The following AGAP1 variants were observed in gnomAD, a reference collection of about 807,000 sequenced individuals.
The protein encoded by AGAP1 is ArfGAP with GTPase domain, ankyrin repeat and PH domain 1.
A neutral mutation model predicts 105.3 loss-of-function variants in AGAP1; 29 were observed. That is an observed-to-expected ratio of 0.28 (90% CI 0.21 to 0.38). The LOEUF (loss-of-function observed/expected upper bound fraction) is 0.38, where lower values mean the gene tolerates loss of function less well. Among genes scored for constraint, AGAP1 ranks in the 10% least tolerant of loss-of-function variants. The pLI, the probability that AGAP1 is intolerant of heterozygous loss-of-function variation, is 1.00. For synonymous variants in AGAP1, 509 were observed against 485.9 expected (o/e 1.05, Z -0.63); for missense variants, 998 against 1,165.1 (o/e 0.86, Z 2.09).
At position 235,994,450 on chromosome 2, in the gene AGAP1, G is replaced by A. The variant is rs1005682394; in HGVS notation, c.1645+25827G>A. Among the ~76,000 whole-genome samples the A allele has an allele frequency of 5.9e-5, 9 of 152,076 alleles. No homozygotes were observed. The highest frequency in any genetic ancestry group is 4.2e-4 in the South Asian group (2 of 4,806). ...TAGTGCTTGTACTTGTGTGCCTCTT[G>A]GAGTTACTTGTTGATAGGACAGCGT... is the stretch of plus-strand genomic sequence containing the variant. On this transcript the variant is annotated intron_variant, in intron 13 of 17. Coordinates refer to ENST00000304032, the MANE Select transcript of AGAP1 (RefSeq NM_001037131.3). This position sits in a 1 kb window ranked among gnomAD's most constrained non-coding sequence, Gnocchi z 4.4.
intron 10 of AGAP1, among the ~76,000 whole-genome samples, chr2:235,890,762 TC>T (rs369795110): frequency 2.6e-4 from 39 of 152,256 alleles, no homozygotes; most frequent in African/African-American, 8.9e-4. Context: ...ACGAATTCTT[TC>T]ACTGGGTAGG....
intron 6 of AGAP1, among the ~76,000 whole-genome samples, chr2:235,765,645 G>A (rs975426306): frequency 2.0e-5 from 3 of 152,162 alleles, no homozygotes; most frequent in Admixed American, 1.3e-4. Flanking sequence ...TGCCTTGTAC[G>A]TGTCTACGTC....
intron 9 of AGAP1, among the ~76,000 whole-genome samples, chr2:235,833,804 A>G (rs529574106): frequency 4.6e-5 from 7 of 151,798 alleles, no homozygotes; most frequent in Non-Finnish European, 1.0e-4. Context: ...AACTGAAACA[A>G]ATGTTCTATG....
chr2:235,808,336 G>A (rs1054771817), intron 9 of AGAP1, among the ~76,000 whole-genome samples: 3 of 152,332 alleles, frequency 2.0e-5, no homozygotes, highest in Non-Finnish European at 4.4e-5. Context: ...TAATCCCTTA[G>A]GAACTGTGTA....
At chr2:236,094,923 CAAAAA>C (rs59126473) in intron 16 of AGAP1, among the ~76,000 whole-genome samples, 1 of 37,792 alleles carries the variant, frequency 2.6e-5, no homozygotes, top group African/African-American at 7.3e-5. Flanking sequence ...CCCATCTCTA[CAAAAA>C]AAAAAAAAAA....
In AGAP1 at chr2:235,963,369, G is replaced by A. The variant is rs2054265512; in HGVS notation, c.1484-5093G>A. 6.6e-6 allele frequency among the ~76,000 whole-genome samples: 1 copy of A among 152,184 alleles called. No homozygotes were observed. Among genetic ancestry groups the A allele is most frequent in the African/African-American group, 2.4e-5 (1 of 41,438 alleles). On this transcript the variant is annotated intron_variant, in intron 12 of 17. Transcript: ENST00000304032. The surrounding 1 kb of genome is among the most constrained non-coding windows in gnomAD (Gnocchi z 5.1). ...AGTGAGTCAGGTCACAACCAGGTGGGATTCTGAATTCAGTTGTTAAAGGGC... is the reference window on the plus strand; with the variant it reads ...AGTGAGTCAGGTCACAACCAGGTGGAATTCTGAATTCAGTTGTTAAAGGGC...
intron 6 of AGAP1, among the ~76,000 whole-genome samples, chr2:235,791,908 A>G (rs1424871264): frequency 6.6e-6 from 1 of 152,220 alleles, no homozygotes; most frequent in Non-Finnish European, 1.5e-5. Context: ...CACCAAAGAC[A>G]GAGACAAGAC....
rs1353603332 is a variant in AGAP1, at chr2:235,543,108, C to T, written c.163+48259C>T. 3.6e-5 allele frequency among the ~76,000 whole-genome samples: 5 copies of T among 137,958 alleles called. No individual in the cohort carries two copies. The East Asian group carries it at 6.4e-4, about 18-fold the overall frequency. The allele number at this position is 137,958 out of a possible 152,430, so 90.5% of individuals were successfully genotyped here. On this transcript the variant is annotated intron_variant, in intron 1 of 17. Transcript: ENST00000304032. The stretch of plus-strand genomic sequence containing the variant: ...CCGCCTCCTCCCCCTCCCCCCCCCC[C>T]GCCCCCTGCCCCTCGTTGGGTGTTG...
At chr2:235,514,454 G>T (rs1476418640) in intron 1 of AGAP1, among the ~76,000 whole-genome samples, 1 of 152,224 alleles carries the variant, frequency 6.6e-6, no homozygotes, top group Non-Finnish European at 1.5e-5. Flanking sequence ...CTCCAGCCTG[G>T]TCTCACCCCA....
Position 235,889,546 on chromosome 2 carries a change from C to CTTT in AGAP1, c.1155+6111_1155+6113dup, listed in dbSNP as rs5839611. 5.4e-4 allele frequency among the ~76,000 whole-genome samples: 76 copies of CTTT among 140,996 alleles called. 1 individual carries two copies. Among genetic ancestry groups the CTTT allele is most frequent in the African/African-American group, 1.3e-3 (48 of 38,094 alleles). 92.5% of individuals were successfully genotyped at this position (140,996 alleles called of 152,430 possible). A position where few individuals can be genotyped will look rare whatever the true frequency, so the allele number is the denominator to read the frequency against. On this transcript the variant is annotated intron_variant, in intron 10 of 17. Transcript: ENST00000304032. The surrounding 1 kb of genome is among the most constrained non-coding windows in gnomAD (Gnocchi z 4.6). ...CGTCATCCCCCAAAAGTGTCTTTGCCTTTTTTTTTTTTTTTTAGCCCTGAG... is the reference window on the plus strand; with the variant it reads ...CGTCATCCCCCAAAAGTGTCTTTGCCTTTTTTTTTTTTTTTTTTTAGCCCTGAG...
At chr2:235,759,650 G>T (rs1282833211) in intron 6 of AGAP1, among the ~76,000 whole-genome samples, 1 of 152,228 alleles carries the variant, frequency 6.6e-6, no homozygotes, top group Non-Finnish European at 1.5e-5. Flanking sequence ...TGAGGAAGAA[G>T]CCTTGGTGGG....
chr2:235,614,704 G>A lies in AGAP1; in HGVS notation c.164-94475G>A, dbSNP rs183036884. On this transcript the variant is annotated intron_variant, in intron 1 of 17. Coordinates refer to ENST00000304032, the MANE Select transcript of AGAP1 (RefSeq NM_001037131.3). The surrounding 1 kb of genome is among the most constrained non-coding windows in gnomAD (Gnocchi z 4.7). ...CAGGGGCAGGGCCCTTTTTCCACAC[G>A]CTTAGGGAAGATACGAGACTGGCTA... is the stretch of plus-strand genomic sequence containing the variant. Among the ~76,000 whole-genome samples the A allele has an allele frequency of 3.9e-5, 6 of 152,238 alleles. No individual in the cohort carries two copies. The highest frequency in any genetic ancestry group is 1.9e-4 in the East Asian group (1 of 5,180).
rs1953103381 is a variant in AGAP1, at chr2:235,747,957, C to T, written c.539-2397C>T. ...CCGCCCGCTGGCGGGAGGGGCAGCT[C>T]TGCCAGCAGGAGCTCTTTCTGGGCA... On this transcript the variant is annotated intron_variant, in intron 5 of 17. Transcript: ENST00000304032. This position sits in a 1 kb window ranked among gnomAD's most constrained non-coding sequence, Gnocchi z 5.0. Among the ~76,000 whole-genome samples, 1 of 152,244 alleles carries T rather than the reference C, an allele frequency of 6.6e-6. No homozygotes were observed. The highest frequency in any genetic ancestry group is 2.4e-5 in the African/African-American group (1 of 41,468).
rs1047079202 is a variant in AGAP1 at position 235,728,242 on chromosome 2, C to T, written c.310+10598C>T. 3.3e-5 allele frequency among the ~76,000 whole-genome samples: 5 copies of T among 151,994 alleles called. No homozygotes were observed. The highest frequency in any genetic ancestry group is 3.9e-4 in the East Asian group (2 of 5,190). ...GTAGTGAAAGTGCCCCCAAGCTCCC[C>T]GCTCCATTTCATGTGCTACTGGCTG... is the stretch of plus-strand genomic sequence containing the variant. On this transcript the variant is annotated intron_variant, in intron 3 of 17. Transcript: ENST00000304032. This position sits in a 1 kb window ranked among gnomAD's most constrained non-coding sequence, Gnocchi z 4.3.
chr2:236,019,578 C>T (rs2056821852), intron 13 of AGAP1, among the ~76,000 whole-genome samples: 1 of 152,198 alleles, frequency 6.6e-6, no homozygotes, highest in South Asian at 2.1e-4. Context: ...CAGGCATCAG[C>T]CCCAGGAGCT....
intron 13 of AGAP1, among the ~76,000 whole-genome samples, chr2:235,978,118 A>G (rs1461540762): frequency 6.6e-6 from 1 of 152,132 alleles, no homozygotes. Flanking sequence ...TCATGGCCTC[A>G]TCTAACCCTC....
chr2:235,583,736 G>T (rs1042349708), intron 1 of AGAP1, among the ~76,000 whole-genome samples: 6 of 151,772 alleles, frequency 4.0e-5, no homozygotes, highest in African/African-American at 1.2e-4. Context: ...AACTAGCTGG[G>T]TGTGGTGGTG....
Position 235,752,143 on chromosome 2 carries a change from C to T in AGAP1, c.673+1655C>T, listed in dbSNP as rs73996343. On this transcript the variant is annotated intron_variant, in intron 6 of 17. Transcript: ENST00000304032. This position sits in a 1 kb window ranked among gnomAD's most constrained non-coding sequence, Gnocchi z 4.3. ...GTCGTAGATGAAGGGTCCCCAGGCCCGTGCATGAGGCCAGCTGCCTGTTTT... is the reference window on the plus strand; with the variant it reads ...GTCGTAGATGAAGGGTCCCCAGGCCTGTGCATGAGGCCAGCTGCCTGTTTT... Among the ~76,000 whole-genome samples the T allele has an allele frequency of 0.014, 2,141 of 152,298 alleles. 52 individuals carry two copies. The highest frequency in any genetic ancestry group is 0.049 in the African/African-American group (2,051 of 41,554).
At position 235,930,779 on chromosome 2, in the gene AGAP1, G is replaced by T; in HGVS notation, c.1339G>T (p.Ala447Ser). Residue 447 changes from alanine to serine, a missense_variant, in exon 12 of 18, where the codon GCA becomes TCA. Physicochemically the swap from Ala to Ser is moderately conservative, Grantham distance 99. Around this residue, in one of 3 missense-constraint regions of AGAP1, gnomAD observed 735 missense variants for 833.4 expected, o/e 0.88. Transcript: ENST00000304032. This position sits in a 1 kb window ranked among gnomAD's most constrained non-coding sequence, Gnocchi z 7.9. ...TTTATTCCTAGGGAATGTCACTAGT[G>T]CATCTGGGTCTCAGATGGCAAGCGG... is the stretch of plus-strand genomic sequence containing the variant. ...ISPNSGNVTSASGSQMASGIS... is the reference protein window; with the variant it reads ...ISPNSGNVTSSSGSQMASGIS... 6.2e-7 allele frequency: 1 copy of T among 1,613,948 alleles called. No homozygotes were observed. The highest frequency in any genetic ancestry group is 8.5e-7 in the Non-Finnish European group (1 of 1,179,974).
Sources: gnomAD v4.1 joint callset for allele counts (sites outside exome capture counted in the v4.1 genomes callset) on GRCh38, gnomAD v4.1.1 for gene constraint, gnomAD v4.1.1 regional missense constraint, Gnocchi (gnomAD v3.1) non-coding constraint, MANE v1.5 for transcripts, NCBI Gene and HGNC (gene_info 2026-07-23, HGNC 2026-07-21) for gene names.